The following NCKAP1 variants were observed in gnomAD, a reference collection of about 807,000 sequenced individuals.
NCKAP1 encodes nck-associated protein 1.
NCKAP1 carries 21 observed loss-of-function variants against 151.2 expected under a neutral mutation model. That is an observed-to-expected ratio of 0.14 (90% CI 0.10 to 0.20). The LOEUF (loss-of-function observed/expected upper bound fraction) is 0.20. NCKAP1 is among the 10% of genes least tolerant of loss of function. NCKAP1 has a pLI of 1.00. For missense variants in NCKAP1, 933 were observed against 1,352.1 expected (o/e 0.69, Z 4.86); for synonymous variants, 484 against 451.8 (o/e 1.07, Z -0.90).
chr2:182,949,490 C>G (rs1472960732), intron 23 of NCKAP1, among the ~76,000 whole-genome samples: 2 of 152,138 alleles, frequency 1.3e-5, no homozygotes, highest in East Asian at 3.8e-4. Context: ...TTAGAAAAGT[C>G]CTTGAATAAA....
rs1401611902 is a variant in NCKAP1 at position 182,919,485 on chromosome 2, C to T, written c.*6217G>A. ...TGACTAACGTAAGTTATGGTCATACCTAATTAGTATGACATTCTGATTATT... is the reference window on the plus strand; with the variant it reads ...TGACTAACGTAAGTTATGGTCATACTTAATTAGTATGACATTCTGATTATT... On this transcript the variant is annotated 3_prime_UTR_variant, in exon 31 of 31. Coordinates refer to ENST00000361354, the MANE Select transcript of NCKAP1 (RefSeq NM_013436.5). 3.3e-5 allele frequency: 5 copies of T among 152,156 alleles called. No individual in the cohort carries two copies. The highest frequency in any genetic ancestry group is 6.5e-5 in the Admixed American group (1 of 15,280). 9.4% of individuals were successfully genotyped at this position (152,156 alleles called of 1,614,324 possible). A position where few individuals can be genotyped will look rare whatever the true frequency, so the allele number is the denominator to read the frequency against.
At chr2:183,001,737 T>C (rs1022959856) in intron 6 of NCKAP1, among the ~76,000 whole-genome samples, 2 of 152,204 alleles carry the variant, frequency 1.3e-5, no homozygotes, top group Admixed American at 6.5e-5. Context: ...TCTAAAAAAC[T>C]ATAATGAAAT....
chr2:182,965,694 T>G (rs942326627), intron 16 of NCKAP1, among the ~76,000 whole-genome samples: 1 of 152,156 alleles, frequency 6.6e-6, no homozygotes, highest in African/African-American at 2.4e-5. Flanking sequence ...AATTACAAAT[T>G]TCAAACATTA....
At chr2:182,953,076 T>G (rs1697251754) in intron 21 of NCKAP1, 37 bp downstream of exon 21, 1 of 1,551,498 alleles carries the variant, frequency 6.4e-7, no homozygotes, top group African/African-American at 1.4e-5. Flanking sequence ...TCATTACAAA[T>G]TTTCCGCTAC....
At chr2:183,025,485 T>A (rs1698878217) in intron 1 of NCKAP1, among the ~76,000 whole-genome samples, 1 of 152,200 alleles carries the variant, frequency 6.6e-6, no homozygotes, top group South Asian at 2.1e-4. Context: ...TTAACATTCC[T>A]ATATTTTCCA....
In NCKAP1 at chr2:182,962,239, T is replaced by C. The variant is rs1697469264; in HGVS notation, c.1801A>G (p.Met601Val). 4 of 1,611,152 alleles carry C rather than the reference T, an allele frequency of 2.5e-6. No individual in the cohort carries two copies. Among genetic ancestry groups the C allele is most frequent in the Non-Finnish European group, 2.5e-6 (3 of 1,177,626 alleles). ...TGTTTGGCCATTTCATCTAGGAACA[T>C]ATTACATAAGGAAAGACTGCGATCT... ...IGDRSLSLCN[M>V]FLDEMAKQAR... is the part of the protein sequence containing the mutation. The change falls in exon 18 of 31, where the codon ATG (methionine) becomes GTG (valine). Residue 601 changes from methionine (M) to valine (V), a missense_variant. Physicochemically the swap from Met to Val is conservative, Grantham distance 21. Around this residue, in one of 2 missense-constraint regions of NCKAP1, gnomAD observed 607 missense variants for 795.0 expected, o/e 0.76. Coordinates refer to ENST00000361354, the MANE Select transcript of NCKAP1 (RefSeq NM_013436.5).
intron 15 of NCKAP1, among the ~76,000 whole-genome samples, chr2:182,967,685 G>A (rs1697600931): frequency 2.0e-5 from 3 of 151,982 alleles, no homozygotes; most frequent in South Asian, 4.1e-4. Flanking sequence ...AGAAATCTTC[G>A]ACCTAATTTA....
intron 15 of NCKAP1, among the ~76,000 whole-genome samples, chr2:182,972,247 A>AAAAAAAAC (rs1697715067): frequency 1.1e-5 from 1 of 94,608 alleles, no homozygotes; most frequent in Non-Finnish European, 2.5e-5. Context: ...AAAAAAAAAC[A>AAAAAAAAC]AAACTGATTT....
chr2:182,944,836 TCA>T (rs1697067175), intron 23 of NCKAP1, among the ~76,000 whole-genome samples: 1 of 152,202 alleles, frequency 6.6e-6, no homozygotes, highest in South Asian at 2.1e-4. Flanking sequence ...GCATGGTGAC[TCA>T]CACCTGTGAT....
intron 15 of NCKAP1, among the ~76,000 whole-genome samples, chr2:182,971,336 G>A (rs1286197682): frequency 6.9e-6 from 1 of 144,948 alleles, no homozygotes; most frequent in Non-Finnish European, 1.5e-5. Flanking sequence ...GGAGCTTGCA[G>A]TGAGCCGAGA....
At chr2:182,962,308 A>C (rs1575033103) in intron 17 of NCKAP1, 30 bp from the exon 18 acceptor site, 1 of 1,550,936 alleles carries the variant, frequency 6.4e-7, no homozygotes, top group Non-Finnish European at 8.8e-7. Context: ...ATAATAATAC[A>C]AGTTATAAAG....
At chr2:182,981,191 A>AC in intron 13 of NCKAP1, 53 bp downstream of exon 13, 2 of 1,570,744 alleles carry the variant, frequency 1.3e-6, no homozygotes, top group Non-Finnish European at 1.7e-6. Flanking sequence ...ATAAAATACT[A>AC]TCAAAGGTGG....
intron 6 of NCKAP1, among the ~76,000 whole-genome samples, chr2:183,001,561 T>G (rs1318556764): frequency 2.0e-5 from 3 of 151,634 alleles, no homozygotes; most frequent in Non-Finnish European, 4.4e-5. Flanking sequence ...GTGCTATTAT[T>G]ATTCCATTTT....
At chr2:183,018,103 C>T (rs375622799) in intron 2 of NCKAP1, among the ~76,000 whole-genome samples, 2 of 151,882 alleles carry the variant, frequency 1.3e-5, no homozygotes, top group Non-Finnish European at 2.9e-5. Flanking sequence ...GAAAATTAGG[C>T]GGGCGTGGTG....
At chr2:182,942,007 C>T (rs980048329) in intron 24 of NCKAP1, 63 bp downstream of exon 24, 97 of 1,340,216 alleles carry the variant, frequency 7.2e-5, no homozygotes, top group Non-Finnish European at 8.4e-5. Context: ...AATTTTGAGC[C>T]AAAGCTAAAT....
chr2:183,008,880 T>A (rs1260370034), intron 2 of NCKAP1, among the ~76,000 whole-genome samples: 3 of 152,182 alleles, frequency 2.0e-5, no homozygotes, highest in Admixed American at 2.0e-4. Flanking sequence ...GACATATGCA[T>A]ATCAAATATA....
At chr2:182,983,147 G>C in intron 11 of NCKAP1, 139 bp downstream of exon 11, 1 of 728,848 alleles carries the variant, frequency 1.4e-6, no homozygotes, top group Non-Finnish European at 2.3e-6. Flanking sequence ...TGAATGTCAA[G>C]TCAGCAAATT....
In NCKAP1 at chr2:182,919,913, A is replaced by G. The variant is rs527773526; in HGVS notation, c.*5789T>C. 3.5e-3 allele frequency: 539 copies of G among 152,408 alleles called. 2 individuals are homozygous for G. Among genetic ancestry groups the G allele is most frequent in the Non-Finnish European group, 5.4e-3 (366 of 68,162 alleles). 9.4% of individuals were successfully genotyped at this position (152,408 alleles called of 1,614,324 possible). A position where few individuals can be genotyped will look rare whatever the true frequency, so the allele number is the denominator to read the frequency against. ...GTGATCCATCCACCTTGGCCTCCCA[A>G]AGTGCTGGGATCACAGGAGTGAGCC... On this transcript the variant is annotated 3_prime_UTR_variant, in exon 31 of 31. Transcript: ENST00000361354.
At chr2:182,979,021 A>T (rs1331051617) in intron 13 of NCKAP1, 106 bp from the exon 14 acceptor site, 1 of 520,380 alleles carries the variant, frequency 1.9e-6, no homozygotes, top group Non-Finnish European at 3.4e-6. Context: ...CATACTATGG[A>T]ATATTTTTCA....
Sources: allele counts gnomAD v4.1 joint callset (sites outside exome capture counted in the v4.1 genomes callset), GRCh38; gene constraint gnomAD v4.1.1; regional missense constraint gnomAD v4.1.1; transcripts MANE v1.5; gene names NCBI Gene and HGNC (gene_info 2026-07-23, HGNC 2026-07-21).